HYCC1: variants seen among roughly 807,000 people sequenced by gnomAD.
HYCC1 encodes the protein hyccin.
At chr7:22,946,528 C>A in the HYCC1 span, among the ~76,000 whole-genome samples, 1 of 151,908 alleles carries the variant, frequency 6.6e-6, no homozygotes, top group Non-Finnish European at 1.5e-5. Context: ...AAAATCAAAG[C>A]TCTTACCAAG....
chr7:22,976,838 A>AC, the HYCC1 span: 1 of 1,358,894 alleles, frequency 7.4e-7, no homozygotes, highest in Non-Finnish European at 1.1e-6. Flanking sequence ...ATAAAGAAAA[A>AC]AAAAGCTATT....
At chr7:23,005,818 T>C in the HYCC1 span, among the ~76,000 whole-genome samples, 1 of 152,202 alleles carries the variant, frequency 6.6e-6, no homozygotes, top group Admixed American at 6.5e-5. Context: ...CAATTTTCTA[T>C]ATTTCTCCAA....
chr7:22,992,287 T>C, the HYCC1 span, among the ~76,000 whole-genome samples: 1 of 147,844 alleles, frequency 6.8e-6, no homozygotes, highest in Non-Finnish European at 1.5e-5. Context: ...CATTTTTTGG[T>C]CATTCATTCA....
the HYCC1 span, chr7:22,976,659 G>C: frequency 5.5e-6 from 7 of 1,281,682 alleles, no homozygotes; most frequent in Non-Finnish European, 8.0e-6. Context: ...AAAATTAGTG[G>C]ATTAAGATAA....
At chr7:22,941,983 GTA>G in the HYCC1 span, 1 of 152,036 alleles carries the variant, frequency 6.6e-6, no homozygotes. Flanking sequence ...TATTCAACAT[GTA>G]TATATTTCCT....
the HYCC1 span, chr7:22,934,218 T>TC: frequency 1.3e-5 from 1 of 77,818 alleles, no homozygotes; most frequent in African/African-American, 4.2e-5. Context: ...TTTTTTTTTT[T>TC]TTTTTTTTTT....
the HYCC1 span, among the ~76,000 whole-genome samples, chr7:22,908,171 G>C: frequency 6.6e-6 from 1 of 152,310 alleles, no homozygotes; most frequent in Middle Eastern, 3.4e-3. Context: ...ATGAAAAATA[G>C]GGAAATGCAC....
the HYCC1 span, among the ~76,000 whole-genome samples, chr7:22,917,838 T>G: frequency 6.6e-6 from 1 of 152,198 alleles, no homozygotes; most frequent in Non-Finnish European, 1.5e-5. Context: ...ACTTTCACCC[T>G]GATAAAGTCT....
the HYCC1 span, among the ~76,000 whole-genome samples, chr7:22,908,995 G>A: frequency 6.6e-6 from 1 of 152,204 alleles, no homozygotes; most frequent in African/African-American, 2.4e-5. Flanking sequence ...ACTCTAGGTG[G>A]ACTGTCTCCC....
chr7:22,941,928 ATTT>A, the HYCC1 span: 1 of 152,014 alleles, frequency 6.6e-6, no homozygotes, highest in Admixed American at 6.6e-5. Flanking sequence ...CCATCAAATT[ATTT>A]TTCTTTTTAA....
chr7:22,938,415 T>C, the HYCC1 span: 1 of 152,230 alleles, frequency 6.6e-6, no homozygotes, highest in African/African-American at 2.4e-5. Flanking sequence ...GCCCTACAAA[T>C]AATCTTACTT....
At chr7:22,903,054 A>G in the HYCC1 span, among the ~76,000 whole-genome samples, 2 of 152,194 alleles carry the variant, frequency 1.3e-5, no homozygotes, top group Admixed American at 1.3e-4. Flanking sequence ...CTAGAATAAA[A>G]AAGGCAGTGT....
the HYCC1 span, among the ~76,000 whole-genome samples, chr7:22,970,750 A>C: frequency 6.6e-6 from 1 of 152,126 alleles, no homozygotes; most frequent in Admixed American, 6.5e-5. Context: ...TCCTATCTTC[A>C]AGGATATTGT....
At chr7:22,969,045 T>C in the HYCC1 span, among the ~76,000 whole-genome samples, 1 of 152,044 alleles carries the variant, frequency 6.6e-6, no homozygotes, top group African/African-American at 2.4e-5. Context: ...GTCACTGTTC[T>C]TACCACATGG....
the HYCC1 span, among the ~76,000 whole-genome samples, chr7:22,974,569 G>T: frequency 6.6e-6 from 1 of 152,180 alleles, no homozygotes; most frequent in African/African-American, 2.4e-5. Flanking sequence ...AAGACTTCAC[G>T]TCTCTATCTT....
the HYCC1 span, among the ~76,000 whole-genome samples, chr7:22,956,541 CA>C: frequency 0.39 from 58,405 of 151,462 alleles, 11,235 homozygotes; most frequent in East Asian, 0.5. Flanking sequence ...CAGATCTCTC[CA>C]AAATAATACC....
At chr7:22,927,739 T>C in the HYCC1 span, among the ~76,000 whole-genome samples, 5 of 152,210 alleles carry the variant, frequency 3.3e-5, no homozygotes, top group Admixed American at 6.5e-5. Context: ...GATTCACAGC[T>C]GAATTCTACC....
At chr7:22,916,265 G>C in the HYCC1 span, among the ~76,000 whole-genome samples, 1 of 152,074 alleles carries the variant, frequency 6.6e-6, no homozygotes, top group East Asian at 1.9e-4. Flanking sequence ...CAACCAAATT[G>C]TCTTGCCTAT....
At chr7:22,934,197 CTTTTTTTTCT>C in the HYCC1 span, 1 of 99,802 alleles carries the variant, frequency 1.0e-5, no homozygotes, top group Non-Finnish European at 2.0e-5. Context: ...GTTTCCGCCT[CTTTTTTTTCT>C]TTTTTTTTTT....
Sources: gnomAD v4.1 joint callset for allele counts (sites outside exome capture counted in the v4.1 genomes callset) on GRCh38, gnomAD v4.1.1 for gene constraint, MANE v1.5 for transcripts, NCBI Gene and HGNC (gene_info 2026-07-23, HGNC 2026-07-21) for gene names.